Variants in PIP5K1C observed in about 807,000 individuals in gnomAD.
The protein encoded by PIP5K1C is phosphatidylinositol-4-phosphate 5-kinase type 1 gamma, also known as phosphatidylinositol 4-phosphate 5-kinase type-1 gamma.
Under a neutral mutation model 80.1 loss-of-function variants are expected in PIP5K1C, and 45 were observed. The observed-to-expected ratio is 0.56, with a 90% CI of 0.44 to 0.72. The LOEUF is 0.72. PIP5K1C is among the 30% of genes least tolerant of loss of function. PIP5K1C has a pLI of 0.00. For missense variants in PIP5K1C, 753 were observed against 954.6 expected, an observed-to-expected ratio of 0.79 and a Z score of 2.78; for synonymous variants, 498 against 420.1, an observed-to-expected ratio of 1.19 and a Z score of -2.27.
rs1183822753 is a variant in PIP5K1C, at chr19:3,637,513, G to T, written c.1920+1371C>A. On this transcript the variant is annotated intron_variant, in intron 16 of 17. Transcript: ENST00000335312. The surrounding 1 kb of genome is among the most constrained non-coding windows in gnomAD (Gnocchi z 7.0). ...GAGGGGCACTGCCCCTTCTCCCCAG[G>T]GTGGCCGGCTGCGGTCACTTACAGT... 2 of 1,535,608 alleles carry T rather than the reference G, an allele frequency of 1.3e-6. No homozygotes were observed. The highest frequency in any genetic ancestry group is 2.0e-5 in the Admixed American group (1 of 50,980).
intron 8 of PIP5K1C, chr19:3,649,911 G>C (rs137867489): frequency 3.7e-6 from 1 of 271,228 alleles, no homozygotes; most frequent in African/African-American, 2.3e-5. Context: ...CACACGTGCA[G>C]CAGTCATCCT....
intron 16 of PIP5K1C, among the ~76,000 whole-genome samples, chr19:3,636,049 C>A (rs1401600883): frequency 6.6e-6 from 1 of 151,924 alleles, no homozygotes; most frequent in Non-Finnish European, 1.5e-5. Flanking sequence ...CTCAGCTACT[C>A]AGGAGGCTGA....
intron 10 of PIP5K1C, among the ~76,000 whole-genome samples, chr19:3,647,080 G>A (rs1433013186): frequency 8.0e-6 from 1 of 125,364 alleles, no homozygotes; most frequent in Non-Finnish European, 1.7e-5. Context: ...TGGGAGGAGG[G>A]TGCAGGCGCT....
intron 1 of PIP5K1C, among the ~76,000 whole-genome samples, chr19:3,689,388 T>C (rs1331545052): frequency 1.3e-5 from 2 of 152,050 alleles, no homozygotes; most frequent in Non-Finnish European, 2.9e-5. Context: ...CAGTGGCTCA[T>C]GCCTGTAACC....
rs982425118 is a variant in PIP5K1C, at chr19:3,637,669, T to A, written c.1920+1215A>T. The A allele has an allele frequency of 3.3e-6, 5 of 1,507,066 alleles. No individual in the cohort carries two copies. The African/African-American group carries it at 7.0e-5, about 21-fold the overall frequency. 93.4% of individuals were successfully genotyped at this position (1,507,066 alleles called of 1,614,324 possible). On this transcript the variant is annotated intron_variant, in intron 16 of 17. Coordinates refer to ENST00000335312, the MANE Select transcript of PIP5K1C (RefSeq NM_012398.3). This position sits in a 1 kb window ranked among gnomAD's most constrained non-coding sequence, Gnocchi z 7.0. ...AGGAAGGAAAACAGAGGACAGCGGATGAGGCGGCCACCCCCGTGGTCGGGT... is the reference window on the plus strand; with the variant it reads ...AGGAAGGAAAACAGAGGACAGCGGAAGAGGCGGCCACCCCCGTGGTCGGGT...
chr19:3,675,430 G>A (rs1241121401), intron 1 of PIP5K1C, among the ~76,000 whole-genome samples: 1 of 152,166 alleles, frequency 6.6e-6, no homozygotes, highest in Non-Finnish European at 1.5e-5. Flanking sequence ...CAGCCAGTCT[G>A]CTGCAGGCTG....
chr19:3,700,274 G>A, intron 1 of PIP5K1C, 23 bp downstream of exon 1: 4 of 1,220,318 alleles, frequency 3.3e-6, no homozygotes, highest in Non-Finnish European at 3.1e-6. Context: ...GCGGGCCGCA[G>A]CCCCGGGAGG....
chr19:3,655,288 G>A (rs2034585214), intron 6 of PIP5K1C, among the ~76,000 whole-genome samples: 1 of 151,286 alleles, frequency 6.6e-6, no homozygotes, highest in Non-Finnish European at 1.5e-5. Flanking sequence ...CGTGGTGGCG[G>A]GCGCCTGTAG....
At chr19:3,643,015 CGCCTGCCTACCT>C in intron 13 of PIP5K1C, 76 bp from the exon 14 acceptor site, 7 of 1,561,276 alleles carry the variant, frequency 4.5e-6, no homozygotes, top group South Asian at 1.1e-5. Flanking sequence ...CTTGCCTACC[CGCCTGCCTACCT>C]GCCCCCTGGC....
In PIP5K1C at chr19:3,692,946, G is replaced by A. The variant is rs1465356839; in HGVS notation, c.94+7351C>T. On this transcript the variant is annotated intron_variant, in intron 1 of 17. Transcript: ENST00000335312. The surrounding 1 kb of genome is among the most constrained non-coding windows in gnomAD (Gnocchi z 5.2). Reference sequence around the variant, plus strand: ...CTTCCACAACCCCCTCACTTCCCCTGGATCTCTGTTCAAGTGTGGCCCCCG... The same window carrying A: ...CTTCCACAACCCCCTCACTTCCCCTAGATCTCTGTTCAAGTGTGGCCCCCG... 6.6e-6 allele frequency among the ~76,000 whole-genome samples: 1 copy of A among 151,816 alleles called. No homozygotes were observed. The highest frequency in any genetic ancestry group is 2.4e-5 in the African/African-American group (1 of 41,304).
At chr19:3,667,222 G>A in intron 2 of PIP5K1C, 100 bp downstream of exon 2, 1 of 991,680 alleles carries the variant, frequency 1.0e-6, no homozygotes, top group Non-Finnish European at 1.6e-6. Context: ...GGCCCAGAGA[G>A]GTGTAGTGAG....
chr19:3,658,923 G>A (rs1023670538), intron 5 of PIP5K1C, among the ~76,000 whole-genome samples: 1 of 152,150 alleles, frequency 6.6e-6, no homozygotes, highest in African/African-American at 2.4e-5. Context: ...AGCCTCCTTC[G>A]TCGGTGCTGG....
intron 3 of PIP5K1C, among the ~76,000 whole-genome samples, chr19:3,662,305 T>G (rs974134267): frequency 1.3e-5 from 2 of 152,216 alleles, no homozygotes; most frequent in African/African-American, 4.8e-5. Flanking sequence ...GTTCTCCCAT[T>G]TTGAAACAGC....
intron 9 of PIP5K1C, 149 bp from the exon 10 acceptor site, chr19:3,647,535 G>T: frequency 1.4e-6 from 1 of 735,512 alleles, no homozygotes. Context: ...AGGTGCTCCT[G>T]GCAGGGAGTG....
chr19:3,694,929 G>A (rs1568364692), intron 1 of PIP5K1C, among the ~76,000 whole-genome samples: 3 of 152,230 alleles, frequency 2.0e-5, no homozygotes, highest in African/African-American at 4.8e-5. Context: ...AAGTGTTTTC[G>A]GCTTCGTGGG....
At chr19:3,654,309 G>A (rs996124276) in intron 6 of PIP5K1C, among the ~76,000 whole-genome samples, 1 of 152,214 alleles carries the variant, frequency 6.6e-6, no homozygotes, top group South Asian at 2.1e-4. Flanking sequence ...CCCAAGTGAA[G>A]CAACAGCGCC....
chr19:3,687,269 G>C (rs2035787814), intron 1 of PIP5K1C, among the ~76,000 whole-genome samples: 1 of 152,156 alleles, frequency 6.6e-6, no homozygotes, highest in Non-Finnish European at 1.5e-5. Flanking sequence ...GGCTGAGATA[G>C]GAGAATTGCT....
chr19:3,638,850 C>T lies in PIP5K1C; in HGVS notation c.1920+34G>A, dbSNP rs200814877. 6.5e-5 allele frequency: 104 copies of T among 1,612,142 alleles called. No homozygotes were observed. In the African/African-American group the frequency reaches 1.1e-3, roughly 17 times the overall value. The stretch of plus-strand genomic sequence containing the variant: ...CGTGTGTGAGAGAGAGTCCGGTTGA[C>T]GAGCCGGCGGCAGGAGGAGCCCGGG... On this transcript the variant is annotated intron_variant, in intron 16 of 17. Transcript: ENST00000335312.
chr19:3,665,518 G>A (rs918938097), intron 2 of PIP5K1C, among the ~76,000 whole-genome samples: 6 of 152,158 alleles, frequency 3.9e-5, no homozygotes, highest in African/African-American at 1.2e-4. Context: ...CTGCCAACAC[G>A]GTGTGAGCCA....
Sources: gnomAD v4.1 joint callset for allele counts (sites outside exome capture counted in the v4.1 genomes callset) on GRCh38, gnomAD v4.1.1 for gene constraint, Gnocchi (gnomAD v3.1) non-coding constraint, MANE v1.5 for transcripts, NCBI Gene and HGNC (gene_info 2026-07-23, HGNC 2026-07-21) for gene names.